Variants in NEDD4 observed in about 807,000 individuals in gnomAD.
The protein encoded by NEDD4 is NEDD4 E3 ubiquitin protein ligase.
A neutral mutation model predicts 144.9 loss-of-function variants in NEDD4; 99 were observed. The observed-to-expected ratio is 0.68, with a 90% CI of 0.58 to 0.81. The LOEUF (loss-of-function observed/expected upper bound fraction) is 0.81. Ranked by LOEUF, NEDD4 falls within the 30% of genes least tolerant of loss-of-function variation. NEDD4 has a pLI of 0.00. For synonymous variants in NEDD4, 318 were observed against 350.6 expected, an observed-to-expected ratio of 0.91 and a Z score of 1.04; for missense variants, 985 against 1,065.9, an observed-to-expected ratio of 0.92 and a Z score of 1.06.
intron 24 of NEDD4, among the ~76,000 whole-genome samples, chr15:55,836,625 A>C (rs1373164498): frequency 1.3e-5 from 2 of 152,110 alleles, no homozygotes; most frequent in African/African-American, 4.8e-5. Context: ...TCTCAGGTTC[A>C]AGCAATTCCC....
At chr15:55,980,650 G>C (rs2140444137) in intron 1 of NEDD4, among the ~76,000 whole-genome samples, 1 of 152,288 alleles carries the variant, frequency 6.6e-6, no homozygotes, top group East Asian at 1.9e-4. Context: ...CACAATGATG[G>C]CAAATGGAAG....
intron 27 of NEDD4, among the ~76,000 whole-genome samples, chr15:55,830,834 G>A (rs999433145): frequency 6.6e-6 from 1 of 152,148 alleles, no homozygotes; most frequent in Non-Finnish European, 1.5e-5. Context: ...TGAGTAGCCA[G>A]GACTACAGGT....
chr15:55,848,390 AT>A lies in NEDD4; in HGVS notation c.1523del (p.Asn508MetfsTer2). ...RTQWEDPRLE[N>X]VAITGPAVPY... The stretch of plus-strand genomic sequence containing the variant: ...GACTTACTGGTCCAGTTATTGCTAC[AT>A]TCTCCAACCGAGGATCTTCCCATTG... On this transcript the variant is annotated frameshift_variant, in exon 17 of 29. Transcript: ENST00000435532. LOFTEE classifies it high-confidence loss of function. The A allele has an allele frequency of 6.2e-7, 1 of 1,614,162 alleles. No homozygotes were observed. The highest frequency in any genetic ancestry group is 8.5e-7 in the Non-Finnish European group (1 of 1,180,012).
rs760712995 is a variant in NEDD4, at chr15:55,834,029, T to C, written c.2430+9A>G. ...AAAGTAAGTTATGAAAATAGAAGTT[T>C]CAAATTACCTTCCAAAACCACTGTA... On this transcript the variant is annotated intron_variant, in intron 26 of 28. Transcript: ENST00000435532. 1 of 1,591,276 alleles carries C rather than the reference T, an allele frequency of 6.3e-7. No homozygotes were observed. Among genetic ancestry groups the C allele is most frequent in the Non-Finnish European group, 8.6e-7 (1 of 1,165,840 alleles).
chr15:55,876,662 A>G (rs1234175654), intron 5 of NEDD4, among the ~76,000 whole-genome samples: 1 of 152,122 alleles, frequency 6.6e-6, no homozygotes, highest in Non-Finnish European at 1.5e-5. Flanking sequence ...AAACAAAGAA[A>G]CAGATGAGAG....
intron 5 of NEDD4, among the ~76,000 whole-genome samples, chr15:55,917,875 A>G (rs1262001534): frequency 1.3e-5 from 2 of 152,076 alleles, no homozygotes; most frequent in Non-Finnish European, 1.5e-5. Context: ...AACACACAGG[A>G]TATTTTATTC....
At position 55,982,112 on chromosome 15, in the gene NEDD4, T is replaced by C. The variant is rs550387140; in HGVS notation, c.45+11399A>G. The stretch of plus-strand genomic sequence containing the variant: ...ACAGGAGTAGGAGGAGGGCTTTGGC[T>C]GAAACTTCAAATGTTGCTGAAACAA... On this transcript the variant is annotated intron_variant, in intron 1 of 28. Transcript: ENST00000435532. 2.0e-5 allele frequency among the ~76,000 whole-genome samples: 3 copies of C among 152,334 alleles called. No individual in the cohort carries two copies. The South Asian group carries it at 6.2e-4, about 32-fold the overall frequency.
At chr15:55,923,227 G>A (rs1194576550) in intron 5 of NEDD4, among the ~76,000 whole-genome samples, 1 of 151,900 alleles carries the variant, frequency 6.6e-6, no homozygotes, top group African/African-American at 2.4e-5. Context: ...TATAGATTCA[G>A]AGGGGAAAAA....
chr15:55,845,944 C>T (rs2033723720), intron 18 of NEDD4, among the ~76,000 whole-genome samples: 1 of 151,854 alleles, frequency 6.6e-6, no homozygotes, highest in Non-Finnish European at 1.5e-5. Flanking sequence ...CGCCATCACA[C>T]CTAACTAATT....
At position 55,829,661 on chromosome 15, in the gene NEDD4, T is replaced by A. The variant is rs2032850787; in HGVS notation, c.*236A>T. 2.5e-6 allele frequency: 1 copy of A among 395,886 alleles called. No individual in the cohort carries two copies. The highest frequency in any genetic ancestry group is 2.0e-5 in the African/African-American group (1 of 48,932). The allele number at this position is 395,886 out of a possible 1,614,324, so 24.5% of individuals were successfully genotyped here. A position where few individuals can be genotyped will look rare whatever the true frequency, so the allele number is the denominator to read the frequency against. The stretch of plus-strand genomic sequence containing the variant: ...AGCCAGGTGTGGTGGTGCCTGGCTT[T>A]AGGCAGGCACCTAACTCTAAAGACA... On this transcript the variant is annotated 3_prime_UTR_variant, in exon 29 of 29. Coordinates refer to ENST00000435532, the MANE Select transcript of NEDD4 (RefSeq NM_006154.4).
At chr15:55,839,255 C>G (rs933544019) in intron 21 of NEDD4, among the ~76,000 whole-genome samples, 1 of 152,050 alleles carries the variant, frequency 6.6e-6, no homozygotes, top group African/African-American at 2.4e-5. Context: ...TCTCAAACTC[C>G]TGACCTCAAG....
At chr15:55,841,810 A>G in intron 19 of NEDD4, 124 bp downstream of exon 19, 1 of 725,550 alleles carries the variant, frequency 1.4e-6, no homozygotes, top group Non-Finnish European at 2.4e-6. Context: ...TGACCTTGTG[A>G]TCCGCCCGCC....
intron 2 of NEDD4, among the ~76,000 whole-genome samples, chr15:55,965,904 G>C (rs529181327): frequency 1.3e-5 from 2 of 151,918 alleles, no homozygotes; most frequent in African/African-American, 4.8e-5. Context: ...CGCCTGCCTC[G>C]GCCTCCCAAA....
intron 4 of NEDD4, among the ~76,000 whole-genome samples, chr15:55,942,776 C>A (rs2037031414): frequency 1.3e-5 from 2 of 152,092 alleles, no homozygotes; most frequent in South Asian, 4.1e-4. Context: ...AATGTGGAAG[C>A]AAGTTTAGAA....
intron 4 of NEDD4, among the ~76,000 whole-genome samples, chr15:55,946,639 G>C (rs1174828979): frequency 6.6e-6 from 1 of 152,154 alleles, no homozygotes; most frequent in Admixed American, 6.5e-5. Flanking sequence ...ATTGAACTCA[G>C]CTCTGCACCA....
Position 55,993,517 on chromosome 15 carries a change from C to T in NEDD4, c.39G>A (p.Glu13=), listed in dbSNP as rs2038023754. 6.3e-7 allele frequency: 1 copy of T among 1,598,624 alleles called. No individual in the cohort carries two copies. Among genetic ancestry groups the T allele is most frequent in the Admixed American group, 1.7e-5 (1 of 58,404 alleles). ...AGCCCCGCGGTCCCCGCACCTCGTCCTCCAGGAGCCCGAACACCTCCACCG... is the reference window on the plus strand; with the variant it reads ...AGCCCCGCGGTCCCCGCACCTCGTCTTCCAGGAGCCCGAACACCTCCACCG... ...TCAVEVFGLL[E]DEENSRIVRV... Residue 13 remains glutamate, a synonymous_variant, in exon 1 of 29, where the codon GAG becomes GAA. Transcript: ENST00000435532.
chr15:55,901,689 T>G (rs182610142), intron 5 of NEDD4, among the ~76,000 whole-genome samples: 14 of 152,264 alleles, frequency 9.2e-5, no homozygotes, highest in Admixed American at 2.6e-4. Context: ...TCCCATTACT[T>G]AACTGTTCAT....
At chr15:55,896,055 T>C (rs997855196) in intron 5 of NEDD4, among the ~76,000 whole-genome samples, 1 of 152,214 alleles carries the variant, frequency 6.6e-6, no homozygotes, top group Non-Finnish European at 1.5e-5. Context: ...CATGGAATTC[T>C]AGTTTGTTTT....
At chr15:55,878,392 T>C (rs1414055847) in intron 5 of NEDD4, among the ~76,000 whole-genome samples, 2 of 151,996 alleles carry the variant, frequency 1.3e-5, no homozygotes, top group Non-Finnish European at 2.9e-5. Context: ...AGAAGATAAA[T>C]AAATGGTAAA....
Sources: gnomAD v4.1 joint callset for allele counts (sites outside exome capture counted in the v4.1 genomes callset) on GRCh38, gnomAD v4.1.1 for gene constraint, MANE v1.5 for transcripts, NCBI Gene and HGNC (gene_info 2026-07-23, HGNC 2026-07-21) for gene names.